Variants in STXBP5L observed in about 807,000 individuals in gnomAD.
The protein encoded by STXBP5L is syntaxin binding protein 5L.
Under a neutral mutation model 144.5 loss-of-function variants are expected in STXBP5L, and 65 were observed. The observed-to-expected ratio is 0.45, with a 90% CI of 0.37 to 0.55. STXBP5L has a LOEUF of 0.55. STXBP5L is among the 20% of genes least tolerant of loss of function. STXBP5L has a pLI of 0.00. For synonymous variants in STXBP5L, 505 were observed against 469.6 expected (o/e 1.08, Z -0.97); for missense variants, 1,298 against 1,405.5 (o/e 0.92, Z 1.22).
chr3:121,019,434 G>T (rs569711975), intron 3 of STXBP5L, among the ~76,000 whole-genome samples: 2 of 152,154 alleles, frequency 1.3e-5, no homozygotes, highest in Non-Finnish European at 2.9e-5. Flanking sequence ...GCTCTTGAAA[G>T]CCCCACCTCA....
At chr3:121,377,082 T>C (rs1484818080) in intron 20 of STXBP5L, among the ~76,000 whole-genome samples, 3 of 152,316 alleles carry the variant, frequency 2.0e-5, no homozygotes, top group Non-Finnish European at 4.4e-5. Flanking sequence ...TGATTTTGTA[T>C]CCTGAGACTT....
chr3:121,086,991 T>C (rs931272858), intron 5 of STXBP5L, among the ~76,000 whole-genome samples: 3 of 152,078 alleles, frequency 2.0e-5, no homozygotes, highest in Admixed American at 6.6e-5. Context: ...TTGGAGATTT[T>C]ATTGTATCTT....
At chr3:121,053,449 C>T (rs1474842114) in intron 5 of STXBP5L, among the ~76,000 whole-genome samples, 2 of 152,160 alleles carry the variant, frequency 1.3e-5, no homozygotes, top group East Asian at 3.9e-4. Context: ...ATATCTACAA[C>T]CATCTGATCT....
rs552710083 is a variant in STXBP5L at position 121,029,189 on chromosome 3, C to T, written c.288-12511C>T. ...AATTAGAAAATACTACTTTAAATTT[C>T]ATATGGAACCAAAAAAGAGCCCATA... On this transcript the variant is annotated intron_variant, in intron 3 of 26. Transcript: ENST00000471454. Among the ~76,000 whole-genome samples, 7 of 152,254 alleles carry T rather than the reference C, an allele frequency of 4.6e-5. No individual in the cohort carries two copies. The East Asian group carries it at 1.4e-3, about 29-fold the overall frequency.
intron 3 of STXBP5L, among the ~76,000 whole-genome samples, chr3:121,011,304 G>T (rs554240788): frequency 6.6e-6 from 1 of 151,392 alleles, no homozygotes; most frequent in East Asian, 1.9e-4. Flanking sequence ...ACTCTCCCCA[G>T]TTCAGTGCTT....
At chr3:121,319,645 A>C (rs1312154142) in intron 20 of STXBP5L, among the ~76,000 whole-genome samples, 1 of 152,158 alleles carries the variant, frequency 6.6e-6, no homozygotes, top group Admixed American at 6.5e-5. Context: ...TATCATACAA[A>C]TATTCTAGTA....
At chr3:121,150,608 C>T (rs2045897674) in intron 7 of STXBP5L, among the ~76,000 whole-genome samples, 1 of 151,996 alleles carries the variant, frequency 6.6e-6, no homozygotes, top group African/African-American at 2.4e-5. Context: ...CAACTTTTAT[C>T]TTTCAGATAT....
intron 3 of STXBP5L, among the ~76,000 whole-genome samples, chr3:120,975,341 G>C (rs145152720): frequency 1.3e-5 from 2 of 151,932 alleles, no homozygotes; most frequent in Non-Finnish European, 2.9e-5. Context: ...TTGGCTCTTT[G>C]TTTGTCTGTT....
At chr3:121,049,822 A>T (rs1947817963) in intron 5 of STXBP5L, 1 of 153,256 alleles carries the variant, frequency 6.5e-6, no homozygotes, top group Non-Finnish European at 1.5e-5. Flanking sequence ...GTGCCTGGGG[A>T]TCCAGCACTC....
Position 121,240,511 on chromosome 3 carries a change from A to G in STXBP5L, c.1400+4A>G. ...ATCCAGAAATTATTATTACTGGGTA[A>G]GTAGATGTGTTTTGTGAGTTATTAG... On this transcript the variant is annotated splice_donor_region_variant and intron_variant, in intron 14 of 26. Transcript: ENST00000471454. The G allele has an allele frequency of 6.2e-7, 1 of 1,613,028 alleles. No homozygotes were observed. The highest frequency in any genetic ancestry group is 1.1e-5 in the South Asian group (1 of 91,038).
At chr3:121,370,708 C>T (rs2046004868) in intron 20 of STXBP5L, among the ~76,000 whole-genome samples, 1 of 152,144 alleles carries the variant, frequency 6.6e-6, no homozygotes, top group South Asian at 2.1e-4. Context: ...CATTCATTTT[C>T]ATGCTTTTTT....
intron 6 of STXBP5L, among the ~76,000 whole-genome samples, chr3:121,115,306 T>C (rs1300309928): frequency 6.6e-6 from 1 of 152,210 alleles, no homozygotes; most frequent in Non-Finnish European, 1.5e-5. Flanking sequence ...ATAGTAAGGC[T>C]TATTCTAAAA....
chr3:120,954,842 A>C (rs1444249546), intron 2 of STXBP5L, 98 bp from the exon 3 acceptor site: 3 of 917,010 alleles, frequency 3.3e-6, no homozygotes, highest in Non-Finnish European at 4.7e-6. Context: ...TTTTTCCTTT[A>C]AACTAATTTT....
In STXBP5L at chr3:121,253,917, T is replaced by A. The variant is rs2050123633; in HGVS notation, c.1442-978T>A. ...ATCCGCCCACCTCGGCCTCCCAAAG[T>A]GCTGGGATTACAGGCGTGAGCCACT... On this transcript the variant is annotated intron_variant, in intron 15 of 26. Transcript: ENST00000471454. Among the ~76,000 whole-genome samples the A allele has an allele frequency of 2.0e-5, 3 of 150,342 alleles. No individual in the cohort carries two copies. The Admixed American group carries it at 2.0e-4, about 10-fold the overall frequency.
intron 9 of STXBP5L, among the ~76,000 whole-genome samples, chr3:121,200,474 C>T (rs538108946): frequency 2.6e-4 from 39 of 152,166 alleles, no homozygotes; most frequent in Admixed American, 6.5e-5. Context: ...ATGTCTCTGT[C>T]TCCTTCAGTT....
intron 7 of STXBP5L, among the ~76,000 whole-genome samples, chr3:121,147,687 T>C (rs2045768372): frequency 6.6e-6 from 1 of 152,094 alleles, no homozygotes; most frequent in Non-Finnish European, 1.5e-5. Flanking sequence ...TTCTAAAGGT[T>C]TAGGTGAGGA....
chr3:121,393,681 A>G (rs1292509521), intron 22 of STXBP5L, among the ~76,000 whole-genome samples: 2 of 152,158 alleles, frequency 1.3e-5, no homozygotes, highest in African/African-American at 4.8e-5. Context: ...CCATTTATTA[A>G]GTAAGATGTT....
intron 5 of STXBP5L, among the ~76,000 whole-genome samples, chr3:121,052,689 A>G (rs2107597783): frequency 6.6e-6 from 1 of 152,212 alleles, no homozygotes; most frequent in African/African-American, 2.4e-5. Flanking sequence ...CTGGCACAAG[A>G]CAGGGATGCC....
intron 3 of STXBP5L, among the ~76,000 whole-genome samples, chr3:120,988,338 T>A (rs1454166726): frequency 6.6e-6 from 1 of 151,956 alleles, no homozygotes; most frequent in African/African-American, 2.4e-5. Flanking sequence ...CAAAATTTCC[T>A]TTCAGACTTC....
Sources: allele counts gnomAD v4.1 joint callset (sites outside exome capture counted in the v4.1 genomes callset), GRCh38; gene constraint gnomAD v4.1.1; transcripts MANE v1.5; gene names NCBI Gene and HGNC (gene_info 2026-07-23, HGNC 2026-07-21).